EHBP1: variants seen among roughly 807,000 people sequenced by gnomAD.
The protein encoded by EHBP1 is EH domain binding protein 1.
EHBP1 carries 55 observed loss-of-function variants against 144.0 expected under a neutral mutation model. The ratio of observed to expected loss-of-function variants is 0.38; its 90% CI spans 0.31 to 0.48. The LOEUF (loss-of-function observed/expected upper bound fraction) is 0.48. Ranked by LOEUF, EHBP1 falls within the 20% of genes least tolerant of loss-of-function variation. The probability of loss-of-function intolerance (pLI) is 0.98; values close to 1 mark genes in which losing one functional copy is unlikely to be tolerated. For synonymous variants in EHBP1, 469 were observed against 472.7 expected (o/e 0.99, Z 0.10); for missense variants, 1,200 against 1,364.2 (o/e 0.88, Z 1.90).
chr2:62,869,667 G>A (rs1461393335), intron 9 of EHBP1, among the ~76,000 whole-genome samples: 1 of 152,198 alleles, frequency 6.6e-6, no homozygotes, highest in African/African-American at 2.4e-5. Flanking sequence ...GAAACTTTTG[G>A]AGGGACTGGA....
At chr2:62,707,389 A>G (rs1176534153) in intron 2 of EHBP1, 94 bp downstream of exon 2, 2 of 892,278 alleles carry the variant, frequency 2.2e-6, no homozygotes, top group Non-Finnish European at 3.7e-6. Flanking sequence ...TTACCTTTCT[A>G]TAGTGCACTA....
At chr2:62,807,406 G>A (rs1474957723) in intron 5 of EHBP1, among the ~76,000 whole-genome samples, 2 of 152,074 alleles carry the variant, frequency 1.3e-5, no homozygotes, top group Non-Finnish European at 1.5e-5. Flanking sequence ...AAATTAGCTG[G>A]GTGCGGTGGC....
intron 17 of EHBP1, 98 bp from the exon 18 acceptor site, chr2:62,993,773 T>C (rs1037673018): frequency 1.3e-5 from 12 of 899,004 alleles, no homozygotes; most frequent in Non-Finnish European, 1.7e-5. Flanking sequence ...ATATATATAG[T>C]ATATATGTAT....
chr2:62,699,164 C>T (rs1039955237), intron 1 of EHBP1, among the ~76,000 whole-genome samples: 5 of 152,154 alleles, frequency 3.3e-5, no homozygotes, highest in African/African-American at 7.2e-5. Context: ...CTTGCTCATA[C>T]AAATATAATC....
At chr2:62,838,196 C>T (rs1170869444) in intron 7 of EHBP1, among the ~76,000 whole-genome samples, 4 of 152,150 alleles carry the variant, frequency 2.6e-5, no homozygotes, top group Non-Finnish European at 5.9e-5. Context: ...CCACTCAAAG[C>T]CGCTCAACTA....
intron 7 of EHBP1, among the ~76,000 whole-genome samples, chr2:62,837,804 T>C (rs1045537099): frequency 2.0e-5 from 3 of 152,094 alleles, no homozygotes; most frequent in African/African-American, 7.3e-5. Context: ...CCTAAATATA[T>C]ATGCACCCAA....
At chr2:62,998,908 T>G (rs1449770768) in intron 19 of EHBP1, among the ~76,000 whole-genome samples, 2 of 152,176 alleles carry the variant, frequency 1.3e-5, no homozygotes, top group Non-Finnish European at 2.9e-5. Context: ...TGTTTTAAGA[T>G]TTGCCTAAAA....
At chr2:62,977,642 C>A (rs1159997243) in intron 14 of EHBP1, among the ~76,000 whole-genome samples, 1 of 152,000 alleles carries the variant, frequency 6.6e-6, no homozygotes, top group East Asian at 1.9e-4. Context: ...ATAGTATATT[C>A]TCCTGCTTGA....
intron 10 of EHBP1, among the ~76,000 whole-genome samples, chr2:62,883,729 C>T (rs929510603): frequency 1.3e-5 from 2 of 151,990 alleles, no homozygotes; most frequent in African/African-American, 4.8e-5. Flanking sequence ...TTTGGGAGGC[C>T]GAGGCAGGAG....
chr2:62,832,484 A>G (rs2046894766), intron 7 of EHBP1, among the ~76,000 whole-genome samples: 1 of 135,350 alleles, frequency 7.4e-6, no homozygotes, highest in South Asian at 2.4e-4. Flanking sequence ...TGGCAACCCT[A>G]CATTGAGCAA....
At chr2:62,891,375 A>G (rs1176413194) in intron 10 of EHBP1, among the ~76,000 whole-genome samples, 2 of 152,024 alleles carry the variant, frequency 1.3e-5, no homozygotes, top group African/African-American at 4.8e-5. Flanking sequence ...TTTGTTTGGC[A>G]CTGTTTTTTG....
At chr2:62,860,225 C>T (rs886442781) in intron 8 of EHBP1, among the ~76,000 whole-genome samples, 14 of 152,160 alleles carry the variant, frequency 9.2e-5, no homozygotes, top group African/African-American at 3.4e-4. Flanking sequence ...CACGGTGGCT[C>T]ACGCCTGTAA....
chr2:62,814,938 C>T (rs1025021081), intron 5 of EHBP1, among the ~76,000 whole-genome samples: 1 of 152,072 alleles, frequency 6.6e-6, no homozygotes, highest in African/African-American at 2.4e-5. Context: ...ATGAATAATC[C>T]ATATTGGAAA....
At chr2:63,018,623 C>T (rs2060579617) in intron 19 of EHBP1, among the ~76,000 whole-genome samples, 1 of 152,190 alleles carries the variant, frequency 6.6e-6, no homozygotes, top group Non-Finnish European at 1.5e-5. Context: ...ATTAAGTTGA[C>T]TTTCTCATCT....
chr2:63,041,963 G>A (rs1220842146), intron 21 of EHBP1, among the ~76,000 whole-genome samples: 1 of 152,264 alleles, frequency 6.6e-6, no homozygotes, highest in African/African-American at 2.4e-5. Context: ...GAATCAGGGA[G>A]TGAATAATTG....
intron 1 of EHBP1, among the ~76,000 whole-genome samples, chr2:62,681,724 G>T (rs1441164708): frequency 1.3e-5 from 2 of 152,110 alleles, no homozygotes; most frequent in East Asian, 3.9e-4. Context: ...ATGAATACTA[G>T]TGGGATATCA....
Position 63,045,254 on chromosome 2 carries a change from C to A in EHBP1, c.3392+74C>A. The A allele has an allele frequency of 6.8e-7, 1 of 1,461,704 alleles. No individual in the cohort carries two copies. 90.5% of individuals were successfully genotyped at this position (1,461,704 alleles called of 1,614,324 possible). A position where few individuals can be genotyped will look rare whatever the true frequency, so the allele number is the denominator to read the frequency against. Reference sequence around the variant, plus strand: ...CCGAGAAGTGTGCGGAAAGTTCAATCCAGAGGTCGCGGGAGGGCCGGGGCA... The same window carrying A: ...CCGAGAAGTGTGCGGAAAGTTCAATACAGAGGTCGCGGGAGGGCCGGGGCA... On this transcript the variant is annotated intron_variant, in intron 22 of 22. Coordinates refer to ENST00000431489, the MANE Select transcript of EHBP1 (RefSeq NM_001142616.3). This position sits in a 1 kb window ranked among gnomAD's most constrained non-coding sequence, Gnocchi z 5.7.
intron 19 of EHBP1, among the ~76,000 whole-genome samples, chr2:63,017,084 C>G (rs77576460): frequency 0.013 from 1,932 of 152,286 alleles, 13 homozygotes; most frequent in Non-Finnish European, 0.02. Context: ...CAGCTGGGAC[C>G]CTCAGTTTGT....
At chr2:62,975,359 A>C (rs1263846190) in intron 14 of EHBP1, among the ~76,000 whole-genome samples, 1 of 152,206 alleles carries the variant, frequency 6.6e-6, no homozygotes. Flanking sequence ...CAGAAGAATT[A>C]AACTCTTCCT....
Sources: allele counts gnomAD v4.1 joint callset (sites outside exome capture counted in the v4.1 genomes callset), GRCh38; gene constraint gnomAD v4.1.1; non-coding constraint Gnocchi (gnomAD v3.1); transcripts MANE v1.5; gene names NCBI Gene and HGNC (gene_info 2026-07-23, HGNC 2026-07-21).